The following GABRB1 variants were observed in gnomAD, a reference collection of about 807,000 sequenced individuals.
GABRB1 encodes gamma-aminobutyric acid type A receptor subunit beta1.
Under a neutral mutation model 51.6 loss-of-function variants are expected in GABRB1, and 17 were observed. The observed-to-expected ratio is 0.33, with a 90% CI of 0.23 to 0.49. The LOEUF is 0.49. Among genes scored for constraint, GABRB1 ranks in the 20% least tolerant of loss-of-function variants. The pLI is 0.99. For missense variants in GABRB1, 410 were observed against 600.6 expected (o/e 0.68, Z 3.32); for synonymous variants, 247 against 218.9 (o/e 1.13, Z -1.14).
Position 47,196,857 on chromosome 4 carries a change from G to A in GABRB1, c.461+35388G>A, listed in dbSNP as rs547337600. Among the ~76,000 whole-genome samples, 8 of 152,260 alleles carry A rather than the reference G, an allele frequency of 5.3e-5. No homozygotes were observed. The South Asian group carries it at 1.7e-3, about 32-fold the overall frequency. On this transcript the variant is annotated intron_variant, in intron 4 of 8. Transcript: ENST00000295454. ...GTGCCTCATGAACACATTTTACATT[G>A]AGCACTCTGTAGAGCAGTCCTTTAC...
chr4:47,124,669 G>C lies in GABRB1; in HGVS notation c.241-36580G>C, dbSNP rs74896193. Among the ~76,000 whole-genome samples, 1,062 of 152,230 alleles carry C rather than the reference G, an allele frequency of 7.0e-3. 8 individuals carry two copies. Among genetic ancestry groups the C allele is most frequent in the African/African-American group, 0.024 (1,011 of 41,550 alleles). On this transcript the variant is annotated intron_variant, in intron 3 of 8. Transcript: ENST00000295454. ...GAAGTTCAACAAAGAAATAGAAATTGCAGAAAAGAACCTAACAAATTCTGG... is the reference window on the plus strand; with the variant it reads ...GAAGTTCAACAAAGAAATAGAAATTCCAGAAAAGAACCTAACAAATTCTGG...
chr4:47,110,348 A>G (rs1715163845), intron 3 of GABRB1, among the ~76,000 whole-genome samples: 3 of 152,136 alleles, frequency 2.0e-5, no homozygotes, highest in South Asian at 4.1e-4. Flanking sequence ...GCTTTCTTCC[A>G]TAAGTGGTGC....
chr4:47,206,924 G>GA (rs1720151448), intron 4 of GABRB1, among the ~76,000 whole-genome samples: 1 of 151,762 alleles, frequency 6.6e-6, no homozygotes, highest in South Asian at 2.1e-4. Flanking sequence ...GGCTACACCA[G>GA]AAAAAGAGTT....
intron 1 of GABRB1, among the ~76,000 whole-genome samples, chr4:47,023,707 A>C (rs552634125): frequency 2.0e-4 from 30 of 152,172 alleles, no homozygotes; most frequent in African/African-American, 7.2e-4. Context: ...GGGATTTCAC[A>C]TGTGTAAATA....
At position 47,406,725 on chromosome 4, in the gene GABRB1, C is replaced by T. The variant is rs80178222; in HGVS notation, c.879C>T (p.Leu293=). The T allele has an allele frequency of 2.0e-4, 315 of 1,614,162 alleles. 3 individuals are homozygous for T. In the Middle Eastern group the frequency reaches 6.1e-3, roughly 31 times the overall value. ...VLTMTTISTH[L]RETLPKIPYV... is the part of the protein sequence containing the mutation. The stretch of plus-strand genomic sequence containing the variant: ...CAATGACAACCATCAGCACCCACCT[C>T]AGGGAGACCCTGCCAAAGATCCCTT... Residue 293 remains leucine, a synonymous_variant, in exon 8 of 9, where the codon CTC becomes CTT. Transcript: ENST00000295454.
chr4:47,031,773 T>C, intron 1 of GABRB1, 42 bp downstream of exon 1: 1 of 1,564,348 alleles, frequency 6.4e-7, no homozygotes, highest in Non-Finnish European at 8.8e-7. Flanking sequence ...TCTCTCTCTC[T>C]CTTTTTTTCT....
intron 8 of GABRB1, among the ~76,000 whole-genome samples, chr4:47,424,797 CA>C (rs1729214223): frequency 6.6e-6 from 1 of 152,130 alleles, no homozygotes. Flanking sequence ...CATTCTGAGC[CA>C]AACTGTGCTC....
intron 1 of GABRB1, among the ~76,000 whole-genome samples, chr4:47,007,753 TG>T (rs1724450078): frequency 6.6e-6 from 1 of 151,760 alleles, no homozygotes; most frequent in East Asian, 1.9e-4. Context: ...GAAGAAAAGC[TG>T]GGGCAAGAGG....
chr4:47,318,225 G>A (rs981897499), intron 4 of GABRB1, among the ~76,000 whole-genome samples: 1 of 151,916 alleles, frequency 6.6e-6, no homozygotes, highest in Non-Finnish European at 1.5e-5. Context: ...GATAATGTAT[G>A]CAAAGCTTTT....
At chr4:47,029,896 A>G (rs929225728), upstream of GABRB1, among the ~76,000 whole-genome samples, 15 of 152,104 alleles carry the variant, frequency 9.9e-5, no homozygotes, top group Admixed American at 2.6e-4. Flanking sequence ...GCCAAAGACA[A>G]ACTGATTCAG....
upstream of GABRB1, among the ~76,000 whole-genome samples, chr4:47,027,283 G>A (rs1382323330): frequency 6.6e-6 from 1 of 151,322 alleles, no homozygotes; most frequent in East Asian, 1.9e-4. Context: ...ATAATAATTT[G>A]AGAAGACATT....
intron 3 of GABRB1, among the ~76,000 whole-genome samples, chr4:47,037,998 T>C (rs1235245155): frequency 6.6e-6 from 1 of 152,192 alleles, no homozygotes; most frequent in East Asian, 1.9e-4. Flanking sequence ...TTGGCTTCTG[T>C]AGGTTTCTCC....
intron 5 of GABRB1, among the ~76,000 whole-genome samples, chr4:47,373,344 ATG>A (rs1698604239): frequency 6.6e-6 from 1 of 152,196 alleles, no homozygotes; most frequent in Admixed American, 6.5e-5. Flanking sequence ...TCAGGAAAAG[ATG>A]TGTCATCACA....
At chr4:47,356,311 T>C (rs929848542) in intron 5 of GABRB1, among the ~76,000 whole-genome samples, 5 of 152,348 alleles carry the variant, frequency 3.3e-5, no homozygotes, top group Middle Eastern at 6.8e-3. Context: ...TATTGTTCAT[T>C]AATTTTCATG....
At chr4:46,998,025 G>C (rs1169567659) in intron 1 of GABRB1, among the ~76,000 whole-genome samples, 3 of 152,090 alleles carry the variant, frequency 2.0e-5, no homozygotes, top group Non-Finnish European at 4.4e-5. Flanking sequence ...AGCTGTACCA[G>C]CTTACATTCC....
intron 4 of GABRB1, among the ~76,000 whole-genome samples, chr4:47,295,480 A>G (rs1253912289): frequency 6.6e-6 from 1 of 152,240 alleles, no homozygotes; most frequent in African/African-American, 2.4e-5. Flanking sequence ...TCAGGAGCCG[A>G]TGTGATCAAC....
chr4:47,327,727 A>T (rs576142287), intron 5 of GABRB1, among the ~76,000 whole-genome samples: 1 of 152,366 alleles, frequency 6.6e-6, no homozygotes, highest in South Asian at 2.1e-4. Context: ...CTTTATATAA[A>T]TATCTTGATA....
chr4:47,172,002 G>T (rs924128051), intron 4 of GABRB1, among the ~76,000 whole-genome samples: 1 of 152,010 alleles, frequency 6.6e-6, no homozygotes, highest in Non-Finnish European at 1.5e-5. Flanking sequence ...AAATTCCACT[G>T]TCGTTTGTAT....
chr4:47,073,843 A>G (rs1323868541), intron 3 of GABRB1, among the ~76,000 whole-genome samples: 2 of 152,148 alleles, frequency 1.3e-5, no homozygotes, highest in Admixed American at 1.3e-4. Flanking sequence ...GACATGACAT[A>G]AGCAGGCTAT....
Sources: allele counts gnomAD v4.1 joint callset (sites outside exome capture counted in the v4.1 genomes callset), GRCh38; gene constraint gnomAD v4.1.1; transcripts MANE v1.5; gene names NCBI Gene and HGNC (gene_info 2026-07-23, HGNC 2026-07-21).